NAA15: variants seen among roughly 807,000 people sequenced by gnomAD.
The protein encoded by NAA15 is N-terminal acetyltransferase.
NAA15 carries 34 observed loss-of-function variants against 114.0 expected under a neutral mutation model. The observed-to-expected ratio is 0.30, with a 90% CI of 0.23 to 0.40. The LOEUF is 0.40. NAA15 is among the 10% of genes least tolerant of loss of function. The pLI is 1.00. For synonymous variants in NAA15, 340 were observed against 338.0 expected (o/e 1.01, Z -0.06); for missense variants, 658 against 1,004.5 (o/e 0.66, Z 4.66).
intron 18 of NAA15, among the ~76,000 whole-genome samples, chr4:139,385,294 A>ATATATAATATATATTATATATAT (rs1748879033): frequency 1.9e-4 from 18 of 95,008 alleles, no homozygotes; most frequent in African/African-American, 6.8e-4. Context: ...ATATATATAT[A>ATATATAATATATATTATATATAT]TATATAATAT....
chr4:139,380,006 C>G (rs1424787786), intron 17 of NAA15, among the ~76,000 whole-genome samples: 1 of 152,186 alleles, frequency 6.6e-6, no homozygotes, highest in Non-Finnish European at 1.5e-5. Flanking sequence ...GATCACGCCA[C>G]TACACTCCAG....
In NAA15 at chr4:139,341,873, C is replaced by T. The variant is rs144882607; in HGVS notation, c.402+804C>T. On this transcript the variant is annotated intron_variant, in intron 4 of 19. Coordinates refer to ENST00000296543, the MANE Select transcript of NAA15 (RefSeq NM_057175.5). ...AGTAGCTGGGGCTACAGACATGTGC[C>T]ACCATGCCCAGCTCATTTTTTATAT... 1.6e-3 allele frequency among the ~76,000 whole-genome samples: 244 copies of T among 151,914 alleles called. 1 individual carries two copies. The highest frequency in any genetic ancestry group is 5.6e-3 in the African/African-American group (232 of 41,468).
intron 11 of NAA15, among the ~76,000 whole-genome samples, chr4:139,358,767 T>G (rs2110952632): frequency 6.6e-6 from 1 of 152,296 alleles, no homozygotes; most frequent in African/African-American, 2.4e-5. Flanking sequence ...CCATGGTTCC[T>G]TTAGCGTACA....
rs1183501348 is a variant in NAA15 at position 139,390,078 on chromosome 4, G to A, written c.*1994G>A. On this transcript the variant is annotated 3_prime_UTR_variant, in exon 20 of 20. Coordinates refer to ENST00000296543, the MANE Select transcript of NAA15 (RefSeq NM_057175.5). ...AGGTACCAGCCATATAATAGGGGGT[G>A]TATGTGTGAATTTTGTTTAAACTCT... 6.6e-6 allele frequency: 1 copy of A among 152,624 alleles called. No individual in the cohort carries two copies. Among genetic ancestry groups the A allele is most frequent in the Admixed American group, 6.5e-5 (1 of 15,272 alleles). 9.5% of individuals were successfully genotyped at this position (152,624 alleles called of 1,614,324 possible). A position where few individuals can be genotyped will look rare whatever the true frequency, so the allele number is the denominator to read the frequency against.
chr4:139,344,523 TAGA>T (rs1254067418), intron 6 of NAA15, among the ~76,000 whole-genome samples, 184 bp downstream of exon 6: 1 of 152,122 alleles, frequency 6.6e-6, no homozygotes, highest in Non-Finnish European at 1.5e-5. Context: ...ATATTGTAGA[TAGA>T]GGAGAAAGTT....
Position 139,390,394 on chromosome 4 carries a change from C to T in NAA15, c.*2310C>T, listed in dbSNP as rs1197484534. The T allele has an allele frequency of 1.3e-5, 2 of 152,610 alleles. No individual in the cohort carries two copies. The highest frequency in any genetic ancestry group is 4.8e-5 in the African/African-American group (2 of 41,452). 9.5% of individuals were successfully genotyped at this position (152,610 alleles called of 1,614,324 possible). A position where few individuals can be genotyped will look rare whatever the true frequency, so the allele number is the denominator to read the frequency against. On this transcript the variant is annotated 3_prime_UTR_variant, in exon 20 of 20. Transcript: ENST00000296543. ...CCCCTGAAACACTGTACTGTACTAT[C>T]TTGCTCTGAGTAGTATCAACTGGAT... is the stretch of plus-strand genomic sequence containing the variant.
intron 8 of NAA15, 69 bp downstream of exon 8, chr4:139,351,355 G>A: frequency 8.6e-7 from 1 of 1,168,364 alleles, no homozygotes; most frequent in Non-Finnish European, 1.3e-6. Context: ...TTGGTTTTAA[G>A]TATGAGTATG....
intron 1 of NAA15, among the ~76,000 whole-genome samples, chr4:139,313,887 G>T (rs926046776): frequency 3.3e-5 from 5 of 151,626 alleles, no homozygotes; most frequent in African/African-American, 7.3e-5. Flanking sequence ...CCACTGTATC[G>T]GGACATGGAG....
chr4:139,333,726 CCT>C (rs1747106703), intron 1 of NAA15, among the ~76,000 whole-genome samples: 1 of 151,880 alleles, frequency 6.6e-6, no homozygotes. Context: ...ATAGTGAGTC[CCT>C]GTCTCTACAA....
intron 4 of NAA15, among the ~76,000 whole-genome samples, chr4:139,342,176 A>C (rs1350310206): frequency 6.6e-6 from 1 of 152,022 alleles, no homozygotes; most frequent in South Asian, 2.1e-4. Context: ...TGGACACTTA[A>C]TTTTTAAAAA....
intron 17 of NAA15, among the ~76,000 whole-genome samples, chr4:139,380,645 C>T (rs1042753902): frequency 6.6e-6 from 1 of 151,924 alleles, no homozygotes; most frequent in Admixed American, 6.6e-5. Context: ...CTGGCTATAC[C>T]CATTGCTCTT....
intron 3 of NAA15, 92 bp downstream of exon 3, chr4:139,337,044 T>A: frequency 1.5e-6 from 1 of 651,400 alleles, no homozygotes; most frequent in Non-Finnish European, 2.4e-6. Context: ...TCTCTTATTG[T>A]GCTATTACAG....
chr4:139,370,681 C>T (rs915208264), intron 15 of NAA15, among the ~76,000 whole-genome samples: 4 of 152,090 alleles, frequency 2.6e-5, no homozygotes, highest in Non-Finnish European at 2.9e-5. Context: ...CAGATATTAG[C>T]TCTTATATTT....
chr4:139,353,970 A>C, intron 9 of NAA15, 56 bp from the exon 10 acceptor site: 1 of 1,354,808 alleles, frequency 7.4e-7, no homozygotes. Context: ...ATTTTGCATA[A>C]GAATAGTAAA....
chr4:139,317,090 ATG>A (rs890720086), intron 1 of NAA15, among the ~76,000 whole-genome samples: 1 of 151,740 alleles, frequency 6.6e-6, no homozygotes, highest in Non-Finnish European at 1.5e-5. Context: ...CCCTCTCCTG[ATG>A]GTAAATCCTC....
At chr4:139,350,724 T>C (rs1002990805) in intron 7 of NAA15, among the ~76,000 whole-genome samples, 2 of 152,228 alleles carry the variant, frequency 1.3e-5, no homozygotes, top group African/African-American at 4.8e-5. Flanking sequence ...TGGAGGAATC[T>C]AAGATAGACG....
intron 1 of NAA15, among the ~76,000 whole-genome samples, chr4:139,309,152 A>C (rs1746129427): frequency 6.6e-6 from 1 of 150,858 alleles, no homozygotes; most frequent in African/African-American, 2.4e-5. Flanking sequence ...GTTAGAGACC[A>C]GCCTGGCCAA....
At position 139,359,191 on chromosome 4, in the gene NAA15, T is replaced by C. The variant is rs541640967; in HGVS notation, c.1258-552T>C. Among the ~76,000 whole-genome samples the C allele has an allele frequency of 2.5e-4, 38 of 152,200 alleles. No homozygotes were observed. The South Asian group carries it at 7.9e-3, about 32-fold the overall frequency. On this transcript the variant is annotated intron_variant, in intron 11 of 19. Transcript: ENST00000296543. Reference sequence around the variant, plus strand: ...TCACCCAGGCTAGAGTGCAGTGGCATGATCTCAGCTCACTGCAACCTGCAC... The same window carrying C: ...TCACCCAGGCTAGAGTGCAGTGGCACGATCTCAGCTCACTGCAACCTGCAC...
intron 3 of NAA15, among the ~76,000 whole-genome samples, chr4:139,340,459 C>T (rs1166141761): frequency 1.3e-5 from 2 of 152,140 alleles, no homozygotes; most frequent in Non-Finnish European, 1.5e-5. Flanking sequence ...ATAAAATCTT[C>T]ATGACTTTAC....
Sources: gnomAD v4.1 joint callset for allele counts (sites outside exome capture counted in the v4.1 genomes callset) on GRCh38, gnomAD v4.1.1 for gene constraint, MANE v1.5 for transcripts, NCBI Gene and HGNC (gene_info 2026-07-23, HGNC 2026-07-21) for gene names.